SLC4A4: variants seen among roughly 807,000 people sequenced by gnomAD.
SLC4A4 encodes the protein electrogenic sodium bicarbonate cotransporter 1.
In SLC4A4, 27 loss-of-function variants were observed where a neutral mutation model predicts 111.5. The ratio of observed to expected loss-of-function variants is 0.24; its 90% CI spans 0.18 to 0.33. SLC4A4 has a LOEUF of 0.33. Ranked by LOEUF, SLC4A4 falls within the 10% of genes least tolerant of loss-of-function variation. SLC4A4 has a pLI of 1.00. For synonymous variants in SLC4A4, 443 were observed against 463.4 expected (o/e 0.96, Z 0.57); for missense variants, 909 against 1,315.5 (o/e 0.69, Z 4.78).
chr4:71,443,183 C>T (rs1471290296), intron 8 of SLC4A4, among the ~76,000 whole-genome samples: 6 of 138,764 alleles, frequency 4.3e-5, no homozygotes, highest in African/African-American at 8.3e-5. Flanking sequence ...TAGAGTCTTG[C>T]TGTGTCACCC....
intron 15 of SLC4A4, among the ~76,000 whole-genome samples, chr4:71,492,150 T>A (rs1452107552): frequency 6.6e-6 from 1 of 151,652 alleles, no homozygotes; most frequent in Non-Finnish European, 1.5e-5. Flanking sequence ...TTAAATCTCC[T>A]TGAAGATTAC....
At chr4:71,520,731 T>C (rs1342311896) in intron 16 of SLC4A4, among the ~76,000 whole-genome samples, 1 of 152,222 alleles carries the variant, frequency 6.6e-6, no homozygotes, top group Non-Finnish European at 1.5e-5. Flanking sequence ...ATATCACATC[T>C]GCCAGTCTCT....
chr4:71,459,676 C>G (rs1726638021), intron 12 of SLC4A4, among the ~76,000 whole-genome samples: 1 of 151,932 alleles, frequency 6.6e-6, no homozygotes, highest in Non-Finnish European at 1.5e-5. Context: ...CTGTGATTAC[C>G]TTCCTAGGGC....
intron 2 of SLC4A4, among the ~76,000 whole-genome samples, chr4:71,154,534 G>T (rs1578530998): frequency 6.6e-6 from 1 of 151,294 alleles, no homozygotes; most frequent in Admixed American, 6.6e-5. Context: ...TGCCCTTCCA[G>T]TGTACAATCA....
intron 6 of SLC4A4, among the ~76,000 whole-genome samples, chr4:71,381,332 A>G: frequency 6.6e-6 from 1 of 152,192 alleles, no homozygotes; most frequent in Non-Finnish European, 1.5e-5. Flanking sequence ...CATTTTCCTG[A>G]GAGCACCTTT....
chr4:71,151,302 G>A (rs559971761), intron 2 of SLC4A4, among the ~76,000 whole-genome samples: 1 of 152,106 alleles, frequency 6.6e-6, no homozygotes, highest in Non-Finnish European at 1.5e-5. Context: ...TCATTTTAAT[G>A]ACATATAGAC....
intron 2 of SLC4A4, among the ~76,000 whole-genome samples, chr4:71,108,818 T>C (rs946889784): frequency 2.0e-5 from 3 of 152,158 alleles, no homozygotes; most frequent in African/African-American, 7.2e-5. Context: ...AACTTCAGAA[T>C]TTCTTTTTGG....
chr4:71,107,220 T>C (rs1742956292), intron 2 of SLC4A4, among the ~76,000 whole-genome samples: 1 of 152,200 alleles, frequency 6.6e-6, no homozygotes, highest in African/African-American at 2.4e-5. Flanking sequence ...TTAATCCATT[T>C]ATATTTTAAG....
At chr4:71,413,633 G>A (rs904189428) in intron 7 of SLC4A4, among the ~76,000 whole-genome samples, 25 of 152,116 alleles carry the variant, frequency 1.6e-4, no homozygotes, top group African/African-American at 5.6e-4. Flanking sequence ...TTCTTTTAAT[G>A]GTTTTCTGTC....
chr4:71,549,571 T>A (rs1735813271), intron 20 of SLC4A4, among the ~76,000 whole-genome samples: 1 of 151,824 alleles, frequency 6.6e-6, no homozygotes, highest in Non-Finnish European at 1.5e-5. Flanking sequence ...TTCTTTTATT[T>A]TTATATTATT....
intron 1 of SLC4A4, among the ~76,000 whole-genome samples, chr4:71,221,233 AG>A (rs1718727710): frequency 1.3e-5 from 2 of 152,176 alleles, no homozygotes; most frequent in African/African-American, 2.4e-5. Flanking sequence ...GTATATACCG[AG>A]TAATGGAATT....
In SLC4A4 at chr4:71,543,171, G is replaced by T. The variant is rs547621068; in HGVS notation, c.2443-3179G>T. Among the ~76,000 whole-genome samples, 4 of 152,056 alleles carry T rather than the reference G, an allele frequency of 2.6e-5. No individual in the cohort carries two copies. The East Asian group carries it at 7.7e-4, about 29-fold the overall frequency. Reference sequence around the variant, plus strand: ...TGTTAGCAAGAATTAGCTAAATGAGGCTGGGTGGGAAGACTATTTTGGACA... The same window carrying T: ...TGTTAGCAAGAATTAGCTAAATGAGTCTGGGTGGGAAGACTATTTTGGACA... On this transcript the variant is annotated intron_variant, in intron 18 of 25. Transcript: ENST00000264485.
chr4:71,516,156 C>T (rs1732375311), intron 16 of SLC4A4, among the ~76,000 whole-genome samples: 1 of 110,610 alleles, frequency 9.0e-6, no homozygotes, highest in East Asian at 3.1e-4. Context: ...AGTGCAGTGG[C>T]ATGATCTTGG....
intron 6 of SLC4A4, among the ~76,000 whole-genome samples, chr4:71,394,775 T>C (rs112438503): frequency 0.063 from 9,577 of 152,132 alleles, 630 homozygotes; most frequent in African/African-American, 0.15. Flanking sequence ...GCATTTGCAG[T>C]GACCTGGATG....
chr4:71,485,962 TTTC>T (rs1241841825), intron 14 of SLC4A4, among the ~76,000 whole-genome samples: 2 of 151,624 alleles, frequency 1.3e-5, no homozygotes, highest in African/African-American at 4.8e-5. Flanking sequence ...AACCTGTGTG[TTTC>T]TTCTTAAAGG....
At position 71,488,888 on chromosome 4, in the gene SLC4A4, A is replaced by ATGTGTGTGTGTGTG. The variant is rs66801188; in HGVS notation, c.1974+1897_1974+1910dup. ...CTAGGGAAAGAAGTTAGAAGAAAAA[A>ATGTGTGTGTGTGTG]TGTGTGTGTGTGTGTGTGTGTGTGT... On this transcript the variant is annotated intron_variant, in intron 15 of 25. Coordinates refer to ENST00000264485, the MANE Select transcript of SLC4A4 (RefSeq NM_001098484.3). Among the ~76,000 whole-genome samples, 296 of 140,648 alleles carry ATGTGTGTGTGTGTG rather than the reference A, an allele frequency of 2.1e-3. 3 individuals carry two copies. Among genetic ancestry groups the ATGTGTGTGTGTGTG allele is most frequent in the East Asian group, 0.017 (75 of 4,470 alleles). 92.3% of individuals were successfully genotyped at this position (140,648 alleles called of 152,430 possible).
chr4:71,082,343 C>A (rs1208865569), intron 1 of SLC4A4, among the ~76,000 whole-genome samples: 1 of 151,964 alleles, frequency 6.6e-6, no homozygotes, highest in Non-Finnish European at 1.5e-5. Context: ...ACTGTCCCCC[C>A]CACCACTATA....
At chr4:71,142,751 T>C (rs1276600809) in intron 2 of SLC4A4, among the ~76,000 whole-genome samples, 3 of 144,580 alleles carry the variant, frequency 2.1e-5, no homozygotes, top group African/African-American at 7.5e-5. Context: ...AGGCACAAAC[T>C]TTTCTCACTC....
chr4:71,361,516 A>G (rs550686225), intron 6 of SLC4A4, among the ~76,000 whole-genome samples: 22 of 152,256 alleles, frequency 1.4e-4, no homozygotes, highest in Non-Finnish European at 1.9e-4. Context: ...GGCAAATGCT[A>G]TCATTTCTCA....
Sources: allele counts gnomAD v4.1 joint callset (sites outside exome capture counted in the v4.1 genomes callset), GRCh38; gene constraint gnomAD v4.1.1; transcripts MANE v1.5; gene names NCBI Gene and HGNC (gene_info 2026-07-23, HGNC 2026-07-21).